Variants in ATP6V0D2 observed in about 807,000 individuals in gnomAD.
The protein encoded by ATP6V0D2 is V-type proton ATPase subunit d 2.
In ATP6V0D2, 40 loss-of-function variants were observed where a neutral mutation model predicts 40.0. The ratio of observed to expected loss-of-function variants is 1.00; its 90% CI spans 0.78 to 1.30. The LOEUF (loss-of-function observed/expected upper bound fraction) is 1.30. Ranked by LOEUF, ATP6V0D2 falls within the 50% of genes most tolerant of loss-of-function variation. The probability of loss-of-function intolerance (pLI) is 0.00; values close to 1 mark genes in which losing one functional copy is unlikely to be tolerated. For synonymous variants in ATP6V0D2, 179 were observed against 156.3 expected (o/e 1.15, Z -1.08); for missense variants, 470 against 423.1 (o/e 1.11, Z -0.97).
intron 5 of ATP6V0D2, 122 bp downstream of exon 5, chr8:86,143,076 G>T: frequency 1.7e-6 from 1 of 603,826 alleles, no homozygotes. Context: ...AAGACAAGCA[G>T]TACATTTTAT....
intron 2 of ATP6V0D2, among the ~76,000 whole-genome samples, chr8:86,138,361 G>A: frequency 6.6e-6 from 1 of 152,276 alleles, no homozygotes; most frequent in South Asian, 2.1e-4. Context: ...TGCATAGCAT[G>A]TATGCCCTAT....
chr8:86,134,321 C>G (rs907154459), intron 2 of ATP6V0D2, among the ~76,000 whole-genome samples: 2 of 151,982 alleles, frequency 1.3e-5, no homozygotes, highest in Non-Finnish European at 2.9e-5. Context: ...CTAAACGAAG[C>G]TTTTGAAACA....
intron 5 of ATP6V0D2, among the ~76,000 whole-genome samples, chr8:86,143,523 G>C (rs1819005820): frequency 6.6e-6 from 1 of 152,156 alleles, no homozygotes; most frequent in Non-Finnish European, 1.5e-5. Flanking sequence ...AGACCACATA[G>C]GGTAACTTCC....
At chr8:86,142,999 A>G in intron 5 of ATP6V0D2, 45 bp downstream of exon 5, 1 of 1,356,528 alleles carries the variant, frequency 7.4e-7, no homozygotes, top group Non-Finnish European at 1.0e-6. Flanking sequence ...TAAGGTGCTT[A>G]CATATTTTTA....
intron 2 of ATP6V0D2, among the ~76,000 whole-genome samples, chr8:86,130,748 T>C (rs889912740): frequency 6.6e-6 from 1 of 152,090 alleles, no homozygotes; most frequent in Non-Finnish European, 1.5e-5. Context: ...CCCTCCTTCC[T>C]GCTGCTACTT....
In ATP6V0D2 at chr8:86,133,528, G is replaced by A. The variant is rs181486673; in HGVS notation, c.303-5929G>A. Among the ~76,000 whole-genome samples, 1,281 of 151,600 alleles carry A rather than the reference G, an allele frequency of 8.4e-3. 14 individuals are homozygous for A. The highest frequency in any genetic ancestry group is 0.012 in the Non-Finnish European group (814 of 67,910). On this transcript the variant is annotated intron_variant, in intron 2 of 7. Coordinates refer to ENST00000285393, the MANE Select transcript of ATP6V0D2 (RefSeq NM_152565.1). The stretch of plus-strand genomic sequence containing the variant: ...AGTAGAGACGAGGTTTCACCATATT[G>A]GCCAAGCTGGTCTTGAACTCCTGAC...
At chr8:86,140,036 C>A (rs1224705138) in intron 3 of ATP6V0D2, among the ~76,000 whole-genome samples, 1 of 152,134 alleles carries the variant, frequency 6.6e-6, no homozygotes, top group African/African-American at 2.4e-5. Context: ...TCTTGTCCTT[C>A]CATTTAAATT....
intron 2 of ATP6V0D2, among the ~76,000 whole-genome samples, chr8:86,131,101 C>T (rs1184762687): frequency 6.6e-6 from 1 of 151,990 alleles, no homozygotes; most frequent in East Asian, 1.9e-4. Context: ...AATCATACAC[C>T]TATCATTAAC....
intron 2 of ATP6V0D2, among the ~76,000 whole-genome samples, chr8:86,129,524 A>C: frequency 6.6e-6 from 1 of 151,360 alleles, no homozygotes; most frequent in Non-Finnish European, 1.5e-5. Context: ...AAAAAGGAAA[A>C]AAATTGGCCG....
intron 1 of ATP6V0D2, among the ~76,000 whole-genome samples, chr8:86,109,079 A>G (rs1033462468): frequency 1.3e-5 from 2 of 152,182 alleles, no homozygotes; most frequent in Non-Finnish European, 2.9e-5. Context: ...CTACCTTTCT[A>G]GATAAAAAGT....
At chr8:86,099,732 G>C (rs570900406) in intron 1 of ATP6V0D2, among the ~76,000 whole-genome samples, 1 of 152,172 alleles carries the variant, frequency 6.6e-6, no homozygotes, top group African/African-American at 2.4e-5. Flanking sequence ...GACCTCAGGT[G>C]ATCCGACTGC....
intron 1 of ATP6V0D2, among the ~76,000 whole-genome samples, chr8:86,100,791 A>G (rs1214352263): frequency 6.6e-6 from 1 of 152,076 alleles, no homozygotes; most frequent in South Asian, 2.1e-4. Flanking sequence ...TTTTCAGCCA[A>G]GCTCTTAAAT....
intron 2 of ATP6V0D2, among the ~76,000 whole-genome samples, chr8:86,123,557 GGC>G (rs1818700898): frequency 1.3e-5 from 2 of 152,118 alleles, no homozygotes; most frequent in African/African-American, 4.8e-5. Context: ...GAGACAGGAA[GGC>G]GGGGAATATG....
At chr8:86,115,029 A>C (rs1026742957) in intron 2 of ATP6V0D2, among the ~76,000 whole-genome samples, 7 of 152,244 alleles carry the variant, frequency 4.6e-5, no homozygotes, top group African/African-American at 1.4e-4. Context: ...TTCATGTCAA[A>C]CACTGTGCTC....
intron 6 of ATP6V0D2, among the ~76,000 whole-genome samples, chr8:86,150,821 C>T (rs556554773): frequency 4.1e-4 from 63 of 152,236 alleles, no homozygotes; most frequent in Non-Finnish European, 8.2e-4. Flanking sequence ...TCTTGGAGCG[C>T]CTGAAGCTCC....
At chr8:86,103,673 A>G (rs1274044446) in intron 1 of ATP6V0D2, among the ~76,000 whole-genome samples, 1 of 152,168 alleles carries the variant, frequency 6.6e-6, no homozygotes, top group East Asian at 1.9e-4. Context: ...GAATAAAAAT[A>G]TTAGAAAAAT....
At chr8:86,147,372 G>T (rs982102041) in intron 5 of ATP6V0D2, among the ~76,000 whole-genome samples, 8 of 152,100 alleles carry the variant, frequency 5.3e-5, no homozygotes, top group Admixed American at 2.6e-4. Context: ...AAAAAATAAG[G>T]TCTAGTTTTA....
intron 2 of ATP6V0D2, among the ~76,000 whole-genome samples, chr8:86,114,507 T>C (rs1818568072): frequency 6.6e-6 from 1 of 151,932 alleles, no homozygotes; most frequent in Admixed American, 6.6e-5. Flanking sequence ...CCATCTCTAC[T>C]AAAAATACAA....
intron 5 of ATP6V0D2, among the ~76,000 whole-genome samples, chr8:86,144,241 AC>A (rs1026958408): frequency 3.3e-5 from 5 of 152,232 alleles, no homozygotes; most frequent in Admixed American, 3.3e-4. Context: ...GGCATCCTGC[AC>A]ATAATTTGCA....
Sources: gnomAD v4.1 joint callset for allele counts (sites outside exome capture counted in the v4.1 genomes callset) on GRCh38, gnomAD v4.1.1 for gene constraint, MANE v1.5 for transcripts, NCBI Gene and HGNC (gene_info 2026-07-23, HGNC 2026-07-21) for gene names.